The following SCRG1 variants were observed in gnomAD, a reference collection of about 807,000 sequenced individuals.
The protein encoded by SCRG1 is stimulator of chondrogenesis 1, also known as scrapie-responsive protein 1.
In SCRG1, 3 loss-of-function variants were observed where a neutral mutation model predicts 7.7. The ratio of observed to expected loss-of-function variants is 0.39; its 90% CI spans 0.18 to 1.01. SCRG1 has a LOEUF of 1.01. SCRG1 is among the 50% of genes least tolerant of loss of function. The pLI, the probability that SCRG1 is intolerant of heterozygous loss-of-function variation, is 0.36. For synonymous variants in SCRG1, 46 were observed against 41.2 expected, an observed-to-expected ratio of 1.12 and a Z score of -0.44; for missense variants, 110 against 117.2, an observed-to-expected ratio of 0.94 and a Z score of 0.28.
At chr4:173,429,606 T>C in the SCRG1 span, among the ~76,000 whole-genome samples, 1 of 152,230 alleles carries the variant, frequency 6.6e-6, no homozygotes, top group South Asian at 2.1e-4. Context: ...TGAGAAAATT[T>C]TGAACCTTGT....
At chr4:173,455,768 A>G in the SCRG1 span, among the ~76,000 whole-genome samples, 1 of 150,900 alleles carries the variant, frequency 6.6e-6, no homozygotes, top group South Asian at 2.1e-4. Flanking sequence ...ACCAAGCTTA[A>G]AAAGGAATAT....
At chr4:173,479,926 C>T in the SCRG1 span, among the ~76,000 whole-genome samples, 13 of 152,228 alleles carry the variant, frequency 8.5e-5, no homozygotes, top group East Asian at 2.5e-3. Context: ...GAAAACCAGG[C>T]TCAATGTGAT....
At chr4:173,397,436 G>A (rs1739638027) in intron 1 of SCRG1, among the ~76,000 whole-genome samples, 1 of 152,192 alleles carries the variant, frequency 6.6e-6, no homozygotes, top group Admixed American at 6.5e-5. Context: ...GAGTGAGCAA[G>A]AGAAGCTTAG....
intron 2 of SCRG1, among the ~76,000 whole-genome samples, chr4:173,389,383 AG>A (rs768413363): frequency 9.2e-5 from 14 of 152,178 alleles, no homozygotes; most frequent in Non-Finnish European, 1.5e-4. Context: ...AAATACAAAA[AG>A]AATTAGCCGG....
chr4:173,514,994 G>A, the SCRG1 span, among the ~76,000 whole-genome samples: 1 of 152,200 alleles, frequency 6.6e-6, no homozygotes, highest in African/African-American at 2.4e-5. Flanking sequence ...CACAAAGGCA[G>A]GTGGTTAACA....
At chr4:173,389,494 C>A in intron 2 of SCRG1, 1 of 169,604 alleles carries the variant, frequency 5.9e-6, no homozygotes, top group South Asian at 1.4e-4. Context: ...CGAGATCGTG[C>A]CACTGCACTC....
the SCRG1 span, among the ~76,000 whole-genome samples, chr4:173,464,711 G>A: frequency 5.3e-5 from 8 of 152,142 alleles, no homozygotes; most frequent in African/African-American, 7.2e-5. Flanking sequence ...ACTTGAAACC[G>A]CTAAATAACT....
At chr4:173,484,058 T>G in the SCRG1 span, among the ~76,000 whole-genome samples, 5 of 71,016 alleles carry the variant, frequency 7.0e-5, no homozygotes, top group East Asian at 4.3e-4. Flanking sequence ...ATAATATACA[T>G]AATATATAAT....
At chr4:173,398,301 A>G (rs1739661188) in intron 1 of SCRG1, 1 of 152,210 alleles carries the variant, frequency 6.6e-6, no homozygotes, top group Admixed American at 6.5e-5. Flanking sequence ...CCTCCCTAAA[A>G]GTGATCAGGC....
chr4:173,472,005 G>T, the SCRG1 span, among the ~76,000 whole-genome samples: 3 of 152,118 alleles, frequency 2.0e-5, no homozygotes, highest in Non-Finnish European at 4.4e-5. Context: ...CACCGTGCCC[G>T]GCTGGAAAAT....
At chr4:173,398,494 G>A (rs1027267791) in intron 1 of SCRG1, 1 of 152,234 alleles carries the variant, frequency 6.6e-6, no homozygotes, top group Admixed American at 6.5e-5. Flanking sequence ...GAGGGAAAAA[G>A]TGTTCTCTTT....
chr4:173,445,456 C>T, the SCRG1 span, among the ~76,000 whole-genome samples: 1 of 151,760 alleles, frequency 6.6e-6, no homozygotes, highest in East Asian at 2.0e-4. Flanking sequence ...GTGGCAGGCG[C>T]CTGTAATCCC....
At chr4:173,475,855 T>C in the SCRG1 span, among the ~76,000 whole-genome samples, 1 of 152,164 alleles carries the variant, frequency 6.6e-6, no homozygotes, top group African/African-American at 2.4e-5. Context: ...GACAAATATG[T>C]AACTCCACTT....
the SCRG1 span, among the ~76,000 whole-genome samples, chr4:173,483,235 A>AATATATTATATATC: frequency 1.2e-4 from 5 of 42,268 alleles, no homozygotes; most frequent in South Asian, 6.6e-3. Flanking sequence ...TATTATATAT[A>AATATATTATATATC]ATATATGATA....
the SCRG1 span, among the ~76,000 whole-genome samples, chr4:173,416,840 A>G: frequency 6.6e-6 from 1 of 151,826 alleles, no homozygotes; most frequent in Admixed American, 6.6e-5. Context: ...TTATAAGAAT[A>G]TACACATAAG....
chr4:173,509,017 G>A, the SCRG1 span, among the ~76,000 whole-genome samples: 1 of 152,202 alleles, frequency 6.6e-6, no homozygotes, highest in African/African-American at 2.4e-5. This position sits in a 1 kb window ranked among gnomAD's most constrained non-coding sequence, Gnocchi z 5.7. Flanking sequence ...CCGAGCAGCC[G>A]GGTGGTGGTA....
the SCRG1 span, among the ~76,000 whole-genome samples, chr4:173,435,167 A>C: frequency 6.6e-6 from 1 of 151,964 alleles, no homozygotes; most frequent in South Asian, 2.1e-4. Context: ...TAAAGAACTT[A>C]GATTCAACTT....
chr4:173,518,137 GT>G, the SCRG1 span, among the ~76,000 whole-genome samples: 1 of 152,132 alleles, frequency 6.6e-6, no homozygotes, highest in African/African-American at 2.4e-5. Flanking sequence ...CTGTTCTCTC[GT>G]TTTTTTCGCC....
chr4:173,425,271 G>A, the SCRG1 span, among the ~76,000 whole-genome samples: 2 of 152,178 alleles, frequency 1.3e-5, no homozygotes, highest in Admixed American at 1.3e-4. Context: ...TTTGGGTTTA[G>A]GACATTCTTT....
Sources: allele counts gnomAD v4.1 joint callset (sites outside exome capture counted in the v4.1 genomes callset), GRCh38; gene constraint gnomAD v4.1.1; non-coding constraint Gnocchi (gnomAD v3.1); transcripts MANE v1.5; gene names NCBI Gene and HGNC (gene_info 2026-07-23, HGNC 2026-07-21).